NCR3LG1: variants seen among roughly 807,000 people sequenced by gnomAD.
The protein encoded by NCR3LG1 is natural cytotoxicity triggering receptor 3 ligand 1.
A neutral mutation model predicts 34.8 loss-of-function variants in NCR3LG1; 35 were observed. The ratio of observed to expected loss-of-function variants is 1.01; its 90% CI spans 0.77 to 1.33. NCR3LG1 has a LOEUF of 1.33. Among genes scored for constraint, NCR3LG1 ranks in the 40% most tolerant of loss-of-function variants. The pLI is 0.00. For missense variants in NCR3LG1, 452 were observed against 423.3 expected (o/e 1.07, Z -0.60); for synonymous variants, 173 against 163.6 (o/e 1.06, Z -0.44).
rs1246515291 is a variant in NCR3LG1, at chr11:17,377,045, C to T, written c.*4533C>T. 6.6e-6 allele frequency: 1 copy of T among 152,092 alleles called. No individual in the cohort carries two copies. Among genetic ancestry groups the T allele is most frequent in the African/African-American group, 2.4e-5 (1 of 41,396 alleles). The allele number at this position is 152,092 out of a possible 1,614,324, so 9.4% of individuals were successfully genotyped here. ...CATGCACCCTCATGGGATTCCAGAC[C>T]CCCTGTATGATGCTTAGTAGTAGTG... On this transcript the variant is annotated 3_prime_UTR_variant, in exon 5 of 5. Coordinates refer to ENST00000338965, the MANE Select transcript of NCR3LG1 (RefSeq NM_001202439.3).
chr11:17,364,656 C>A (rs1953325031), intron 2 of NCR3LG1, among the ~76,000 whole-genome samples: 2 of 152,068 alleles, frequency 1.3e-5, no homozygotes, highest in Admixed American at 1.3e-4. Flanking sequence ...AAGTGATTAT[C>A]CTGCCTCAGC....
intron 3 of NCR3LG1, among the ~76,000 whole-genome samples, chr11:17,368,111 C>G (rs985938944): frequency 1.3e-5 from 2 of 152,180 alleles, no homozygotes; most frequent in South Asian, 4.1e-4. Context: ...AGCCACAGCA[C>G]CCGGCCAGTA....
Position 17,351,924 on chromosome 11 carries a change from C to T in NCR3LG1, c.-46C>T, listed in dbSNP as rs894454690. 1.4e-6 allele frequency: 2 copies of T among 1,465,884 alleles called. No individual in the cohort carries two copies. Among genetic ancestry groups the T allele is most frequent in the Non-Finnish European group, 1.8e-6 (2 of 1,084,702 alleles). The allele number at this position is 1,465,884 out of a possible 1,614,324, so 90.8% of individuals were successfully genotyped here. A position where few individuals can be genotyped will look rare whatever the true frequency, so the allele number is the denominator to read the frequency against. On this transcript the variant is annotated 5_prime_UTR_variant, in exon 1 of 5. Coordinates refer to ENST00000338965, the MANE Select transcript of NCR3LG1 (RefSeq NM_001202439.3). Reference sequence around the variant, plus strand: ...CCTGCCCTTGGTTTCTACCGGGCCGCCTGCTCCCACTCGGCGAAAAAAATT... The same window carrying T: ...CCTGCCCTTGGTTTCTACCGGGCCGTCTGCTCCCACTCGGCGAAAAAAATT...
intron 3 of NCR3LG1, 146 bp downstream of exon 3, chr11:17,367,493 C>T: frequency 1.4e-6 from 1 of 700,766 alleles, no homozygotes; most frequent in Admixed American, 2.9e-5. Context: ...GGAGTCTGGC[C>T]TAGCTCAGCC....
rs1953458295 is a variant in NCR3LG1 at position 17,374,893 on chromosome 11, TCTTTA to T, written c.*2382_*2386del. On this transcript the variant is annotated 3_prime_UTR_variant, in exon 5 of 5. Transcript: ENST00000338965. The stretch of plus-strand genomic sequence containing the variant: ...GTCTTTCTGTAGGGAAGTCCTTTAA[TCTTTA>T]TGTATCATAAAGGAAAGGAATGACC... 1 of 94,032 alleles carries T rather than the reference TCTTTA, an allele frequency of 1.1e-5. No homozygotes were observed. The highest frequency in any genetic ancestry group is 1.0e-4 in the Admixed American group (1 of 9,638). The allele number at this position is 94,032 out of a possible 1,614,324, so 5.8% of individuals were successfully genotyped here.
rs1024647429 is a variant in NCR3LG1 at position 17,376,424 on chromosome 11, C to T, written c.*3912C>T. On this transcript the variant is annotated 3_prime_UTR_variant, in exon 5 of 5. Transcript: ENST00000338965. ...TTTTATTGGGTTTGGTAATACGTCACACCCTTTAGCCTCTACTGTGTCAGC... is the reference window on the plus strand; with the variant it reads ...TTTTATTGGGTTTGGTAATACGTCATACCCTTTAGCCTCTACTGTGTCAGC... 3.9e-5 allele frequency: 6 copies of T among 152,200 alleles called. No homozygotes were observed. The highest frequency in any genetic ancestry group is 1.4e-4 in the African/African-American group (6 of 41,450). The allele number at this position is 152,200 out of a possible 1,614,324, so 9.4% of individuals were successfully genotyped here.
chr11:17,372,257 C>G lies in NCR3LG1; in HGVS notation c.1110C>G (p.Phe370Leu). Residue 370 changes from phenylalanine to leucine, a missense_variant, in exon 5 of 5, where the codon TTC (phenylalanine) becomes TTG (leucine). Phe to Leu is a conservative substitution (Grantham distance 22). Transcript: ENST00000338965. ...CCGAGGTTCCTTATGTGCAAGCCTT[C>G]TTTGCCTTGCGAGACAACCCAGATC... ...KWSEVPYVQA[F>L]FALRDNPDLC... is the part of the protein sequence containing the mutation. 1.4e-6 allele frequency: 1 copy of G among 703,172 alleles called. No homozygotes were observed. Among genetic ancestry groups the G allele is most frequent in the Admixed American group, 2.0e-5 (1 of 50,018 alleles). 43.6% of individuals were successfully genotyped at this position (703,172 alleles called of 1,614,324 possible).
At chr11:17,367,391 G>A in intron 3 of NCR3LG1, 44 bp downstream of exon 3, 2 of 1,418,258 alleles carry the variant, frequency 1.4e-6, no homozygotes, top group East Asian at 2.5e-5. Flanking sequence ...TGCCTTGAGG[G>A]ACTATAACAT....
Position 17,356,645 on chromosome 11 carries a change from C to G in NCR3LG1, c.71-6C>G. On this transcript the variant is annotated splice_polypyrimidine_tract_variant and splice_region_variant and intron_variant, in intron 1 of 4. Transcript: ENST00000338965. ...AACTGAACATTGTGTCCTCTTATTG[C>G]CACAGGTGATCTGAAAGTAGAGATG... The G allele has an allele frequency of 6.6e-7, 1 of 1,517,978 alleles. No individual in the cohort carries two copies. The highest frequency in any genetic ancestry group is 1.2e-5 in the South Asian group (1 of 82,250). 94.0% of individuals were successfully genotyped at this position (1,517,978 alleles called of 1,614,324 possible).
rs540615448 is a variant in NCR3LG1, at chr11:17,362,947, G to A, written c.422-4062G>A. Among the ~76,000 whole-genome samples the A allele has an allele frequency of 4.3e-3, 494 of 114,018 alleles. 9 individuals carry two copies. Among genetic ancestry groups the A allele is most frequent in the Middle Eastern group, 0.016 (3 of 186 alleles). 74.8% of individuals were successfully genotyped at this position (114,018 alleles called of 152,430 possible). On this transcript the variant is annotated intron_variant, in intron 2 of 4. Coordinates refer to ENST00000338965, the MANE Select transcript of NCR3LG1 (RefSeq NM_001202439.3). ...CTTCTCTTCCCTTTCTTCCTGCAAC[G>A]TCTTGCTTTGCTGTCCAGGCTGGAG...
Position 17,356,681 on chromosome 11 carries a change from G to A in NCR3LG1, c.101G>A (p.Gly34Glu). The change falls in exon 2 of 5, where the codon GGG (glycine) becomes GAG (glutamate). Residue 34 changes from glycine (G) to glutamate (E), a missense_variant. Coordinates refer to ENST00000338965, the MANE Select transcript of NCR3LG1 (RefSeq NM_001202439.3). ...GDLKVEMMAGGTQITPLNDNV... is the reference protein window; with the variant it reads ...GDLKVEMMAGETQITPLNDNV... ...CTGAAAGTAGAGATGATGGCAGGGG[G>A]GACTCAGATCACACCCCTGAATGAC... 2 of 1,535,410 alleles carry A rather than the reference G, an allele frequency of 1.3e-6. No homozygotes were observed.
rs1265725954 is a variant in NCR3LG1, at chr11:17,356,861, T to C, written c.281T>C (p.Ile94Thr). ...CAAGAGGCATTCCGACCTGGAGCCA[T>C]TGTGTCTCCATGGAGGCTGAAGAGT... ...DHQEAFRPGA[I>T]VSPWRLKSGD... Residue 94 changes from isoleucine to threonine, a missense_variant, in exon 2 of 5, where the codon ATT (isoleucine) becomes ACT (threonine). Coordinates refer to ENST00000338965, the MANE Select transcript of NCR3LG1 (RefSeq NM_001202439.3). The C allele has an allele frequency of 4.6e-6, 7 of 1,535,986 alleles. No homozygotes were observed. The South Asian group carries it at 4.8e-5, about 10-fold the overall frequency.
At chr11:17,363,520 C>CT (rs1953306853) in intron 2 of NCR3LG1, among the ~76,000 whole-genome samples, 5 of 79,726 alleles carry the variant, frequency 6.3e-5, no homozygotes, top group African/African-American at 3.2e-4. Context: ...CCCTCCCTCC[C>CT]TCCCTCCCTC....
intron 4 of NCR3LG1, among the ~76,000 whole-genome samples, chr11:17,370,086 C>T (rs1031641291): frequency 6.6e-6 from 1 of 152,164 alleles, no homozygotes; most frequent in Non-Finnish European, 1.5e-5. Context: ...GGGAACAAAG[C>T]CACATGGAGT....
chr11:17,353,402 A>C (rs945183999), intron 1 of NCR3LG1, among the ~76,000 whole-genome samples: 2 of 151,560 alleles, frequency 1.3e-5, no homozygotes, highest in African/African-American at 2.4e-5. Context: ...CGCGCTGCGG[A>C]CTTGAAACGC....
At chr11:17,356,607 T>C (rs1309084480) in intron 1 of NCR3LG1, 44 bp from the exon 2 acceptor site, 2 of 1,370,818 alleles carry the variant, frequency 1.5e-6, no homozygotes, top group African/African-American at 2.9e-5. Flanking sequence ...AAAAAGATGT[T>C]CATACATTGG....
intron 1 of NCR3LG1, among the ~76,000 whole-genome samples, chr11:17,355,540 A>AGG (rs1953194736): frequency 1.3e-5 from 2 of 152,258 alleles, no homozygotes; most frequent in African/African-American, 4.8e-5. Flanking sequence ...GCTGAAAGAA[A>AGG]TTTAAAATCT....
At chr11:17,366,216 C>T (rs1011690324) in intron 2 of NCR3LG1, among the ~76,000 whole-genome samples, 17 of 152,286 alleles carry the variant, frequency 1.1e-4, no homozygotes, top group Non-Finnish European at 2.5e-4. Context: ...TTTATCTTGT[C>T]ACTCTGCCAT....
intron 2 of NCR3LG1, among the ~76,000 whole-genome samples, chr11:17,357,212 A>T (rs188219804): frequency 2.0e-5 from 3 of 151,424 alleles, no homozygotes; most frequent in Non-Finnish European, 3.0e-5. Flanking sequence ...TATTTTTCAC[A>T]CTTTTGGAAG....
Sources: gnomAD v4.1 joint callset for allele counts (sites outside exome capture counted in the v4.1 genomes callset) on GRCh38, gnomAD v4.1.1 for gene constraint, MANE v1.5 for transcripts, NCBI Gene and HGNC (gene_info 2026-07-23, HGNC 2026-07-21) for gene names.